The following DENND1A variants were observed in gnomAD, a reference collection of about 807,000 sequenced individuals.
DENND1A encodes DENN domain-containing protein 1A.
In DENND1A, 51 loss-of-function variants were observed where a neutral mutation model predicts 113.7. That is an observed-to-expected ratio of 0.45 (90% CI 0.36 to 0.57). The LOEUF (loss-of-function observed/expected upper bound fraction) is 0.57, where lower values mean the gene tolerates loss of function less well. Among genes scored for constraint, DENND1A ranks in the 20% least tolerant of loss-of-function variants. The pLI is 0.00. For missense variants in DENND1A, 1,258 were observed against 1,395.9 expected (o/e 0.90, Z 1.57); for synonymous variants, 565 against 570.8 (o/e 0.99, Z 0.14).
At position 123,607,488 on chromosome 9, in the gene DENND1A, G is replaced by C. The variant is rs186432851; in HGVS notation, c.765+1948C>G. Among the ~76,000 whole-genome samples, 351 of 71,056 alleles carry C rather than the reference G, an allele frequency of 4.9e-3. 2 individuals are homozygous for C. Among genetic ancestry groups the C allele is most frequent in the Middle Eastern group, 9.8e-3 (1 of 102 alleles). 46.6% of individuals were successfully genotyped at this position (71,056 alleles called of 152,430 possible). On this transcript the variant is annotated intron_variant, in intron 11 of 23. Transcript: ENST00000394215. ...AGAGAGAGAGAGACACAGAGAGAGAGACACACACACACACACACACACACA... is the reference window on the plus strand; with the variant it reads ...AGAGAGAGAGAGACACAGAGAGAGACACACACACACACACACACACACACA...
intron 12 of DENND1A, among the ~76,000 whole-genome samples, chr9:123,560,560 C>T (rs540732672): frequency 6.6e-6 from 1 of 152,052 alleles, no homozygotes; most frequent in African/African-American, 2.4e-5. Flanking sequence ...CATGGTGGCA[C>T]CTGCCTGTAG....
chr9:123,568,351 C>G (rs1458885394), intron 12 of DENND1A, among the ~76,000 whole-genome samples: 2 of 152,046 alleles, frequency 1.3e-5, no homozygotes, highest in African/African-American at 4.8e-5. Context: ...TTGCAGGATT[C>G]TTATGTAGAT....
intron 1 of DENND1A, among the ~76,000 whole-genome samples, chr9:123,917,588 C>T (rs777623483): frequency 2.0e-5 from 3 of 152,112 alleles, no homozygotes; most frequent in Non-Finnish European, 4.4e-5. Flanking sequence ...AAAACACACA[C>T]ACATATTCCC....
chr9:123,382,056 G>T lies in DENND1A; in HGVS notation c.2589C>A (p.Pro863=). 6.7e-7 allele frequency: 1 copy of T among 1,502,914 alleles called. No individual in the cohort carries two copies. The highest frequency in any genetic ancestry group is 8.9e-7 in the Non-Finnish European group (1 of 1,127,814). 93.1% of individuals were successfully genotyped at this position (1,502,914 alleles called of 1,614,324 possible). The change falls in exon 24 of 24, where the codon CCC becomes CCA. Residue 863 remains proline, a synonymous_variant. Transcript: ENST00000394215. ...ATGGGGTGGCTACATTCGGGGTGGC[G>T]GGGCGTGACGGGAGGGTGCTGCCTG... ...AWSGSTLPSR[P]ATPNVATPFT...
At chr9:123,895,550 A>T (rs1455502654) in intron 1 of DENND1A, among the ~76,000 whole-genome samples, 1 of 151,462 alleles carries the variant, frequency 6.6e-6, no homozygotes, top group Non-Finnish European at 1.5e-5. Context: ...TGAACCCAGG[A>T]GGTGGAGGTG....
rs980380681 is a variant in DENND1A, at chr9:123,419,706, T to C, written c.1489-7877A>G. ...GCAAGGCATGGAAATAAAAGAGGGC[T>C]GCTTTTGATATGCCTCCAAAAAGGA... On this transcript the variant is annotated intron_variant, in intron 19 of 23. Coordinates refer to ENST00000394215, the MANE Select transcript of DENND1A (RefSeq NM_001352964.2). Among the ~76,000 whole-genome samples, 4 of 152,386 alleles carry C rather than the reference T, an allele frequency of 2.6e-5. 1 individual carries two copies. Among genetic ancestry groups the C allele is most frequent in the Non-Finnish European group, 5.9e-5 (4 of 68,040 alleles).
chr9:123,557,792 G>A lies in DENND1A; in HGVS notation c.868-97C>T, dbSNP rs559376763. ...ATATGGAGCCCTGGAAGATCCTACG[G>A]ATGGCAGGATCCATTTGATACCTCA... On this transcript the variant is annotated intron_variant, in intron 12 of 23. Transcript: ENST00000394215. The A allele has an allele frequency of 2.8e-6, 4 of 1,403,724 alleles. No homozygotes were observed. The South Asian group carries it at 4.1e-5, about 14-fold the overall frequency. 87.0% of individuals were successfully genotyped at this position (1,403,724 alleles called of 1,614,324 possible).
At chr9:123,680,827 G>A (rs778302847) in intron 5 of DENND1A, among the ~76,000 whole-genome samples, 1 of 152,208 alleles carries the variant, frequency 6.6e-6, no homozygotes, top group Non-Finnish European at 1.5e-5. Context: ...GCTATGAGAT[G>A]GGACCAGGCA....
intron 2 of DENND1A, among the ~76,000 whole-genome samples, chr9:123,796,751 GTACA>G (rs1374659540): frequency 1.8e-5 from 2 of 108,404 alleles, no homozygotes; most frequent in Non-Finnish European, 3.6e-5. Context: ...ACTCCTATGT[GTACA>G]TACACACACA....
chr9:123,923,762 C>T (rs150111483), intron 1 of DENND1A, among the ~76,000 whole-genome samples: 15 of 152,164 alleles, frequency 9.9e-5, no homozygotes, highest in Non-Finnish European at 1.9e-4. Flanking sequence ...TTCCTAGAAA[C>T]CTATCTCCGT....
chr9:123,501,058 T>C (rs1405083861), intron 13 of DENND1A, among the ~76,000 whole-genome samples: 1 of 152,232 alleles, frequency 6.6e-6, no homozygotes, highest in Non-Finnish European at 1.5e-5. Flanking sequence ...TCTTTTCATC[T>C]TGTAAAACTG....
chr9:123,739,088 G>A (rs558910818), intron 5 of DENND1A, among the ~76,000 whole-genome samples: 1 of 152,140 alleles, frequency 6.6e-6, no homozygotes, highest in African/African-American at 2.4e-5. Context: ...AAAATCTGAA[G>A]GACATAATCA....
chr9:123,812,601 T>C (rs1836805011), intron 2 of DENND1A, among the ~76,000 whole-genome samples: 1 of 152,168 alleles, frequency 6.6e-6, no homozygotes, highest in Admixed American at 6.5e-5. Context: ...CACATTCTTA[T>C]TAATACTGGT....
intron 12 of DENND1A, among the ~76,000 whole-genome samples, chr9:123,561,514 G>A (rs188658768): frequency 1.8e-4 from 27 of 152,272 alleles, no homozygotes; most frequent in Middle Eastern, 3.4e-3. Context: ...CTGGGGAGTA[G>A]CATTTGTCCT....
intron 9 of DENND1A, among the ~76,000 whole-genome samples, chr9:123,639,777 CAA>C (rs199515973): frequency 1.7e-5 from 2 of 115,604 alleles, no homozygotes; most frequent in African/African-American, 5.8e-5. Context: ...AACTCCATCT[CAA>C]AAAAAAAAAA....
At chr9:123,902,036 G>A (rs747082699) in intron 1 of DENND1A, among the ~76,000 whole-genome samples, 21 of 151,792 alleles carry the variant, frequency 1.4e-4, no homozygotes, top group Non-Finnish European at 2.4e-4. Flanking sequence ...AAATAAAGGC[G>A]ATGTCATGTA....
chr9:123,859,886 G>A (rs1271103137), intron 2 of DENND1A, among the ~76,000 whole-genome samples: 2 of 152,154 alleles, frequency 1.3e-5, no homozygotes, highest in African/African-American at 4.8e-5. Context: ...GGAAAGGATG[G>A]AGCATGGAAG....
At chr9:123,821,839 C>T (rs1026884308) in intron 2 of DENND1A, among the ~76,000 whole-genome samples, 2 of 152,304 alleles carry the variant, frequency 1.3e-5, no homozygotes, top group South Asian at 4.1e-4. Flanking sequence ...AGCAACCACC[C>T]GGCTCCAGCC....
intron 5 of DENND1A, among the ~76,000 whole-genome samples, chr9:123,721,979 G>C (rs1165413478): frequency 6.6e-6 from 1 of 152,220 alleles, no homozygotes; most frequent in South Asian, 2.1e-4. Flanking sequence ...GAACAGTTTG[G>C]AGGGCTCAGA....
Sources: allele counts gnomAD v4.1 joint callset (sites outside exome capture counted in the v4.1 genomes callset), GRCh38; gene constraint gnomAD v4.1.1; transcripts MANE v1.5; gene names NCBI Gene and HGNC (gene_info 2026-07-23, HGNC 2026-07-21).